Variants in CSMD1 observed in about 807,000 individuals in gnomAD.
The protein encoded by CSMD1 is CUB and sushi domain-containing protein 1.
Under a neutral mutation model 417.5 loss-of-function variants are expected in CSMD1, and 213 were observed. The ratio of observed to expected loss-of-function variants is 0.51; its 90% CI spans 0.46 to 0.57. CSMD1 has a LOEUF of 0.57. Ranked by LOEUF, CSMD1 falls within the 20% of genes least tolerant of loss-of-function variation. The pLI is 0.00. For synonymous variants in CSMD1, 2,862 were observed against 1,736.8 expected (o/e 1.65, Z -16.11); for missense variants, 6,923 against 4,529.7 (o/e 1.53, Z -15.17).
chr8:4,446,476 G>A (rs1170441042), intron 2 of CSMD1, among the ~76,000 whole-genome samples: 1 of 152,164 alleles, frequency 6.6e-6, no homozygotes, highest in Non-Finnish European at 1.5e-5. Flanking sequence ...GAACTTGGGA[G>A]ACTGAGGCTG....
intron 3 of CSMD1, among the ~76,000 whole-genome samples, chr8:4,070,462 A>G (rs180931386): frequency 1.6e-4 from 25 of 152,208 alleles, no homozygotes; most frequent in Non-Finnish European, 3.1e-4. Flanking sequence ...GGTTCACACC[A>G]TTCTCCCACC....
At chr8:4,960,095 T>C (rs1458991403) in intron 1 of CSMD1, among the ~76,000 whole-genome samples, 1 of 152,170 alleles carries the variant, frequency 6.6e-6, no homozygotes, top group Non-Finnish European at 1.5e-5. Context: ...AATTGCCAAA[T>C]AATGAATACA....
chr8:4,729,375 G>C (rs945534168), intron 1 of CSMD1, among the ~76,000 whole-genome samples: 2 of 152,162 alleles, frequency 1.3e-5, no homozygotes, highest in Non-Finnish European at 2.9e-5. Flanking sequence ...GTTCAAGAGA[G>C]AATTGGAAGA....
At chr8:3,391,250 A>G (rs1236255280) in intron 17 of CSMD1, among the ~76,000 whole-genome samples, 2 of 152,212 alleles carry the variant, frequency 1.3e-5, no homozygotes, top group Non-Finnish European at 2.9e-5. Flanking sequence ...TCCATGAATA[A>G]CATGATATAT....
At chr8:3,834,912 T>G (rs996661470) in intron 5 of CSMD1, among the ~76,000 whole-genome samples, 2 of 151,882 alleles carry the variant, frequency 1.3e-5, no homozygotes, top group Non-Finnish European at 2.9e-5. Flanking sequence ...GTGAAGGACA[T>G]GAACAGACAC....
chr8:4,453,893 C>T (rs1297770286), intron 2 of CSMD1, among the ~76,000 whole-genome samples: 2 of 139,996 alleles, frequency 1.4e-5, no homozygotes, highest in Non-Finnish European at 3.0e-5. Flanking sequence ...GCGACCTCGG[C>T]TCACTGCCAG....
At chr8:4,637,028 A>G (rs1230493701) in intron 2 of CSMD1, among the ~76,000 whole-genome samples, 4 of 152,154 alleles carry the variant, frequency 2.6e-5, no homozygotes, top group African/African-American at 4.8e-5. Context: ...TAGGACAGAA[A>G]TGGAACATGG....
At chr8:4,132,298 G>C (rs1376727745) in intron 3 of CSMD1, among the ~76,000 whole-genome samples, 1 of 150,306 alleles carries the variant, frequency 6.7e-6, no homozygotes, top group African/African-American at 2.5e-5. Flanking sequence ...ATTCTCTGAA[G>C]GTAAACTCAG....
intron 7 of CSMD1, among the ~76,000 whole-genome samples, chr8:3,687,429 T>A (rs1401576685): frequency 6.6e-6 from 1 of 152,240 alleles, no homozygotes; most frequent in Non-Finnish European, 1.5e-5. Context: ...AACTTGCCTC[T>A]CAAATAAATT....
chr8:4,565,597 T>A (rs1730103805), intron 2 of CSMD1, among the ~76,000 whole-genome samples: 2 of 151,692 alleles, frequency 1.3e-5, no homozygotes, highest in South Asian at 4.2e-4. Flanking sequence ...TAGCTGGGTG[T>A]GCTTACAGGC....
chr8:3,922,824 T>C (rs1809369359), intron 5 of CSMD1, among the ~76,000 whole-genome samples: 2 of 152,170 alleles, frequency 1.3e-5, no homozygotes, highest in Non-Finnish European at 2.9e-5. Flanking sequence ...AAATTCTATA[T>C]ATTCATGGTG....
chr8:4,430,421 C>T (rs1797810399), intron 2 of CSMD1, among the ~76,000 whole-genome samples: 1 of 152,192 alleles, frequency 6.6e-6, no homozygotes, highest in African/African-American at 2.4e-5. Flanking sequence ...ACATAGTCTA[C>T]CTTCTCCCGG....
intron 3 of CSMD1, among the ~76,000 whole-genome samples, chr8:4,365,211 T>TA (rs973576510): frequency 6.6e-6 from 1 of 152,136 alleles, no homozygotes; most frequent in Non-Finnish European, 1.5e-5. Context: ...TGTCTATATA[T>TA]AAAAAAAGAG....
At chr8:4,245,582 C>T (rs1180970966) in intron 3 of CSMD1, among the ~76,000 whole-genome samples, 1 of 152,130 alleles carries the variant, frequency 6.6e-6, no homozygotes, top group African/African-American at 2.4e-5. Flanking sequence ...AGTTCACAAT[C>T]GATCAGCTGG....
intron 8 of CSMD1, among the ~76,000 whole-genome samples, chr8:3,597,856 G>C (rs1320328114): frequency 6.6e-6 from 1 of 152,178 alleles, no homozygotes; most frequent in Non-Finnish European, 1.5e-5. Context: ...GACTAGGGGA[G>C]GGATAGCATT....
chr8:4,923,322 G>T lies in CSMD1; in HGVS notation c.85+71010C>A, dbSNP rs1188084962. On this transcript the variant is annotated intron_variant, in intron 1 of 69. Transcript: ENST00000635120. ...AATGTGAGTTGATGCTTTCGTATTG[G>T]TTAGGAGCATGAACAGTTAACTTCT... 3.3e-5 allele frequency among the ~76,000 whole-genome samples: 5 copies of T among 152,174 alleles called. No individual in the cohort carries two copies. The East Asian group carries it at 7.7e-4, about 24-fold the overall frequency.
At chr8:4,128,895 G>C (rs557400828) in intron 3 of CSMD1, among the ~76,000 whole-genome samples, 3 of 151,746 alleles carry the variant, frequency 2.0e-5, no homozygotes, top group Non-Finnish European at 4.4e-5. Context: ...TTTCTGTCTC[G>C]TACAACTCAT....
chr8:4,067,190 G>A (rs866126180), intron 3 of CSMD1, among the ~76,000 whole-genome samples: 4 of 152,292 alleles, frequency 2.6e-5, no homozygotes, highest in African/African-American at 9.6e-5. Flanking sequence ...GCTATCCTCC[G>A]TCTTTGCATC....
At chr8:4,503,345 A>G (rs1802355832) in intron 2 of CSMD1, among the ~76,000 whole-genome samples, 1 of 152,100 alleles carries the variant, frequency 6.6e-6, no homozygotes, top group Non-Finnish European at 1.5e-5. Flanking sequence ...ACCATTTAAC[A>G]TTTTTTATGC....
Sources: gnomAD v4.1 joint callset for allele counts (sites outside exome capture counted in the v4.1 genomes callset) on GRCh38, gnomAD v4.1.1 for gene constraint, MANE v1.5 for transcripts, NCBI Gene and HGNC (gene_info 2026-07-23, HGNC 2026-07-21) for gene names.